Variants in GASK1B observed in about 807,000 individuals in gnomAD.
GASK1B encodes the protein golgi associated kinase 1B, also known as Golgi-associated kinase 1B.
GASK1B carries 34 observed loss-of-function variants against 42.8 expected under a neutral mutation model. The ratio of observed to expected loss-of-function variants is 0.79; its 90% confidence interval spans 0.60 to 1.06. The LOEUF (loss-of-function observed/expected upper bound fraction) is 1.06. Ranked by LOEUF, GASK1B falls within the 50% of genes least tolerant of loss-of-function variation. The pLI is 0.00. For synonymous variants in GASK1B, 262 were observed against 259.1 expected (o/e 1.01, Z -0.11); for missense variants, 686 against 661.0 (o/e 1.04, Z -0.42).
Position 158,160,479 on chromosome 4 carries a change from G to A in GASK1B, c.911-4654C>T, listed in dbSNP as rs564939471. On this transcript the variant is annotated intron_variant, in intron 2 of 4. Transcript: ENST00000585682. ...AGTGTTGGTGAGGGTTTGGAGAAAA[G>A]GGAACCCTTAGCACTGCTGGTTGGA... is the stretch of plus-strand genomic sequence containing the variant. 3.3e-5 allele frequency among the ~76,000 whole-genome samples: 5 copies of A among 152,190 alleles called. No homozygotes were observed. In the South Asian group the frequency reaches 6.2e-4, roughly 19 times the overall value.
chr4:158,161,879 T>G (rs914074186), intron 2 of GASK1B, among the ~76,000 whole-genome samples: 2 of 152,160 alleles, frequency 1.3e-5, no homozygotes, highest in African/African-American at 4.8e-5. Context: ...CATCACTCCC[T>G]TTCTTCAAAC....
Position 158,127,421 on chromosome 4 carries a change from G to A in GASK1B, c.1546C>T (p.Pro516Ser). ...AGATTCTTTTGTCATTCATTCATAGGTAATACTTTGACCCCGTGTGCATTG... is the reference window on the plus strand; with the variant it reads ...AGATTCTTTTGTCATTCATTCATAGATAATACTTTGACCCCGTGTGCATTG... ...YINAHGVKVL[P>S]MNE Residue 516 changes from proline (P) to serine (S), a missense_variant, in exon 5 of 5, where the codon CCT (proline) becomes TCT (serine). Transcript: ENST00000585682. 1.2e-6 allele frequency: 2 copies of A among 1,613,088 alleles called. No individual in the cohort carries two copies. Among genetic ancestry groups the A allele is most frequent in the Non-Finnish European group, 1.7e-6 (2 of 1,179,304 alleles).
chr4:158,144,481 T>A (rs1324900248), intron 3 of GASK1B, among the ~76,000 whole-genome samples: 1 of 152,210 alleles, frequency 6.6e-6, no homozygotes, highest in East Asian at 1.9e-4. Context: ...GTGCTTAGCA[T>A]GTCCATACCC....
chr4:158,148,765 A>T (rs1334604917), intron 3 of GASK1B, among the ~76,000 whole-genome samples: 1 of 152,174 alleles, frequency 6.6e-6, no homozygotes, highest in Non-Finnish European at 1.5e-5. Context: ...TTTTGTTGAA[A>T]ACTCCTAATA....
At chr4:158,128,430 G>A (rs1348614729) in intron 4 of GASK1B, among the ~76,000 whole-genome samples, 1 of 152,138 alleles carries the variant, frequency 6.6e-6, no homozygotes, top group African/African-American at 2.4e-5. Context: ...GAAGGACTTA[G>A]CAAAATTTCT....
chr4:158,155,074 G>A (rs1420019127), intron 3 of GASK1B, among the ~76,000 whole-genome samples: 1 of 152,068 alleles, frequency 6.6e-6, no homozygotes, highest in African/African-American at 2.4e-5. Context: ...GATGGCAATG[G>A]GTGGTTGGGC....
intron 3 of GASK1B, among the ~76,000 whole-genome samples, chr4:158,131,514 T>C (rs907246355): frequency 2.0e-5 from 3 of 152,248 alleles, no homozygotes; most frequent in Middle Eastern, 3.4e-3. Flanking sequence ...AAGAAATCTA[T>C]TGAAAAGATG....
intron 3 of GASK1B, among the ~76,000 whole-genome samples, chr4:158,135,228 G>A (rs1730837110): frequency 6.7e-6 from 1 of 150,052 alleles, no homozygotes; most frequent in South Asian, 2.1e-4. Flanking sequence ...GGCTGAGGCA[G>A]GAGAATCACT....
At chr4:158,170,014 A>T in intron 2 of GASK1B, 1 of 559,414 alleles carries the variant, frequency 1.8e-6, no homozygotes, top group Non-Finnish European at 3.1e-6. Context: ...CGGCTTAAGA[A>T]GATTCCATCT....
At chr4:158,149,923 C>CTTTTTTTATTTTT (rs1731484846) in intron 3 of GASK1B, among the ~76,000 whole-genome samples, 1 of 67,178 alleles carries the variant, frequency 1.5e-5, no homozygotes, top group African/African-American at 6.1e-5. Flanking sequence ...CTGCATGCTG[C>CTTTTTTTATTTTT]TTTTTTTTTT....
chr4:158,170,202 G>A lies in GASK1B; in HGVS notation c.910+264C>T, dbSNP rs368072438. On this transcript the variant is annotated intron_variant, in intron 2 of 4. Transcript: ENST00000585682. ...TAGATTTAATAAGCCACTGGGAAGT[G>A]AAGCGAGGGAAATGGAGAGCAAAGA... 1.7e-5 allele frequency: 27 copies of A among 1,599,524 alleles called. No individual in the cohort carries two copies. In the African/African-American group the frequency reaches 2.5e-4, roughly 15 times the overall value.
rs184437087 is a variant in GASK1B at position 158,164,563 on chromosome 4, C to T, written c.910+5903G>A. ...CTCAATTTGATTCATAAAGAAATAG[C>T]CTTAGGGCTTTTCTGAGGAAGAACA... is the stretch of plus-strand genomic sequence containing the variant. On this transcript the variant is annotated intron_variant, in intron 2 of 4. Transcript: ENST00000585682. Among the ~76,000 whole-genome samples the T allele has an allele frequency of 2.0e-5, 3 of 152,274 alleles. No individual in the cohort carries two copies. The East Asian group carries it at 5.8e-4, about 29-fold the overall frequency.
Position 158,127,294 on chromosome 4 carries a change from T to TATTC in GASK1B, c.*109_*112dup. The TATTC allele has an allele frequency of 1.2e-6, 1 of 811,688 alleles. No homozygotes were observed. The highest frequency in any genetic ancestry group is 2.0e-6 in the Non-Finnish European group (1 of 498,780). The allele number at this position is 811,688 out of a possible 1,614,324, so 50.3% of individuals were successfully genotyped here. On this transcript the variant is annotated 3_prime_UTR_variant, in exon 5 of 5. Transcript: ENST00000585682. ...CTTGGTTAAAGTCATTTATTTTACG[T>TATTC]ATTCATCTACACTGCCTCATTGCTA...
chr4:158,148,037 C>A (rs1408317329), intron 3 of GASK1B, among the ~76,000 whole-genome samples: 1 of 151,812 alleles, frequency 6.6e-6, no homozygotes, highest in East Asian at 1.9e-4. Flanking sequence ...GATAATGAGA[C>A]CTGTCTCTAA....
At chr4:158,141,918 T>A (rs1479325130) in intron 3 of GASK1B, among the ~76,000 whole-genome samples, 9 of 74,476 alleles carry the variant, frequency 1.2e-4, no homozygotes, top group Admixed American at 4.1e-4. Flanking sequence ...ATGTTGTGGT[T>A]TCTTTTTTTT....
intron 3 of GASK1B, among the ~76,000 whole-genome samples, chr4:158,140,794 A>G (rs1731085559): frequency 6.6e-6 from 1 of 152,220 alleles, no homozygotes; most frequent in Admixed American, 6.5e-5. Flanking sequence ...TCATCTTTCT[A>G]GCCCAGCTAT....
In GASK1B at chr4:158,126,053, T is replaced by A. The variant is rs569333525; in HGVS notation, c.*1354A>T. ...GACAGGAGAGAATGTATTATAAACA[T>A]TCTCAAATTGTATTTTTAAACTTTC... is the stretch of plus-strand genomic sequence containing the variant. On this transcript the variant is annotated 3_prime_UTR_variant, in exon 5 of 5. Transcript: ENST00000585682. 3.3e-5 allele frequency: 5 copies of A among 152,244 alleles called. No homozygotes were observed. The highest frequency in any genetic ancestry group is 1.2e-4 in the African/African-American group (5 of 41,576). The allele number at this position is 152,244 out of a possible 1,614,324, so 9.4% of individuals were successfully genotyped here.
intron 2 of GASK1B, among the ~76,000 whole-genome samples, chr4:158,166,699 G>A (rs561528599): frequency 1.3e-5 from 2 of 152,082 alleles, no homozygotes; most frequent in Non-Finnish European, 2.9e-5. Flanking sequence ...CTTAGCCATG[G>A]TTAAGGTTTT....
rs1730645249 is a variant in GASK1B, at chr4:158,130,769, G to A, written c.1352+17C>T. 5.1e-6 allele frequency: 8 copies of A among 1,574,702 alleles called. No individual in the cohort carries two copies. The highest frequency in any genetic ancestry group is 7.0e-6 in the Non-Finnish European group (8 of 1,146,590). ...AACATAAATGTGATGTCCTGCAGATGTTACTATAAAACTTACTCTTTGATG... is the reference window on the plus strand; with the variant it reads ...AACATAAATGTGATGTCCTGCAGATATTACTATAAAACTTACTCTTTGATG... On this transcript the variant is annotated intron_variant, in intron 4 of 4. Coordinates refer to ENST00000585682, the MANE Select transcript of GASK1B (RefSeq NM_001128424.2).
Sources: gnomAD v4.1 joint callset for allele counts (sites outside exome capture counted in the v4.1 genomes callset) on GRCh38, gnomAD v4.1.1 for gene constraint, MANE v1.5 for transcripts, NCBI Gene and HGNC (gene_info 2026-07-23, HGNC 2026-07-21) for gene names.